The following FAF1 variants were observed in gnomAD, a reference collection of about 807,000 sequenced individuals.
FAF1 encodes Fas associated factor 1.
FAF1 carries 25 observed loss-of-function variants against 92.5 expected under a neutral mutation model. The observed-to-expected ratio is 0.27, with a 90% CI of 0.20 to 0.38. The LOEUF (loss-of-function observed/expected upper bound fraction) is 0.38, where lower values mean the gene tolerates loss of function less well. Ranked by LOEUF, FAF1 falls within the 10% of genes least tolerant of loss-of-function variation. FAF1 has a pLI of 1.00. For synonymous variants in FAF1, 234 were observed against 273.2 expected (o/e 0.86, Z 1.42); for missense variants, 636 against 793.3 (o/e 0.80, Z 2.38).
At chr1:50,667,571 A>G (rs1655691690) in intron 7 of FAF1, among the ~76,000 whole-genome samples, 1 of 152,182 alleles carries the variant, frequency 6.6e-6, no homozygotes, top group African/African-American at 2.4e-5. Context: ...AGTGCCATTA[A>G]TCTACTCTGC....
intron 13 of FAF1, among the ~76,000 whole-genome samples, chr1:50,548,689 C>T (rs144471726): frequency 0.011 from 1,697 of 152,278 alleles, 37 homozygotes; most frequent in African/African-American, 0.039. Flanking sequence ...TAATTTTTAG[C>T]AAACTGTACT....
At chr1:50,510,680 A>G (rs903230939) in intron 15 of FAF1, among the ~76,000 whole-genome samples, 1 of 152,192 alleles carries the variant, frequency 6.6e-6, no homozygotes, top group Non-Finnish European at 1.5e-5. Context: ...TAAACTGTAA[A>G]CACATTTCAA....
rs546643460 is a variant in FAF1 at position 50,592,661 on chromosome 1, T to C, written c.840+3460A>G. 7.2e-5 allele frequency among the ~76,000 whole-genome samples: 11 copies of C among 152,294 alleles called. No individual in the cohort carries two copies. The South Asian group carries it at 8.3e-4, about 11-fold the overall frequency. ...AAGAAAGTCAACAGCAAAATGATTATTGTTGGCTGGGCACGGTGACTCACA... is the reference window on the plus strand; with the variant it reads ...AAGAAAGTCAACAGCAAAATGATTACTGTTGGCTGGGCACGGTGACTCACA... On this transcript the variant is annotated intron_variant, in intron 9 of 18. Coordinates refer to ENST00000396153, the MANE Select transcript of FAF1 (RefSeq NM_007051.3).
intron 2 of FAF1, among the ~76,000 whole-genome samples, chr1:50,831,500 A>G (rs778046057): frequency 3.3e-5 from 5 of 152,162 alleles, no homozygotes; most frequent in Admixed American, 2.0e-4. Context: ...AGCAAAGAAT[A>G]TATCTGCCGT....
At chr1:50,936,345 AAAG>A (rs1252899190) in intron 1 of FAF1, among the ~76,000 whole-genome samples, 2 of 152,236 alleles carry the variant, frequency 1.3e-5, no homozygotes, top group African/African-American at 4.8e-5. Flanking sequence ...TTTTTTTAAA[AAAG>A]AAGAAGAATG....
chr1:50,691,497 C>A (rs1367849095), intron 7 of FAF1, among the ~76,000 whole-genome samples: 1 of 152,232 alleles, frequency 6.6e-6, no homozygotes, highest in Non-Finnish European at 1.5e-5. Context: ...TGGCCTTGGC[C>A]TCCCAAAGTA....
chr1:50,743,189 A>G (rs1296690328), intron 5 of FAF1, among the ~76,000 whole-genome samples: 3 of 152,224 alleles, frequency 2.0e-5, no homozygotes, highest in East Asian at 3.8e-4. Flanking sequence ...CTTCCTGTAA[A>G]TATCTCACTG....
intron 2 of FAF1, among the ~76,000 whole-genome samples, chr1:50,827,922 T>C (rs1444229908): frequency 6.6e-6 from 1 of 152,164 alleles, no homozygotes; most frequent in African/African-American, 2.4e-5. Flanking sequence ...GTAAATATGT[T>C]AATTCTTCCC....
At chr1:50,786,750 G>A (rs74576709) in intron 4 of FAF1, among the ~76,000 whole-genome samples, 1 of 152,186 alleles carries the variant, frequency 6.6e-6, no homozygotes, top group East Asian at 1.9e-4. Flanking sequence ...TTATGGCATA[G>A]GCATAGTGAA....
At chr1:50,569,808 A>G (rs1650346877) in intron 12 of FAF1, among the ~76,000 whole-genome samples, 1 of 152,152 alleles carries the variant, frequency 6.6e-6, no homozygotes, top group Non-Finnish European at 1.5e-5. Context: ...CCAAACACAC[A>G]TGTGCCGAAG....
chr1:50,902,395 T>A (rs1377526455), intron 1 of FAF1, among the ~76,000 whole-genome samples: 1 of 152,248 alleles, frequency 6.6e-6, no homozygotes, highest in Non-Finnish European at 1.5e-5. Flanking sequence ...AATTTTTATG[T>A]TGATTACATG....
At chr1:50,490,193 C>T (rs907071434) in intron 17 of FAF1, among the ~76,000 whole-genome samples, 6 of 152,056 alleles carry the variant, frequency 3.9e-5, no homozygotes, top group African/African-American at 7.2e-5. Flanking sequence ...AACCCTGTCT[C>T]TACTAAAAAT....
rs190573001 is a variant in FAF1 at position 50,589,234 on chromosome 1, A to T, written c.841-4423T>A. ...TGGTCACAGAGCTGTTTTCAGGCAC[A>T]CATGCAGTAGCTGTGTTGTGTCCCT... On this transcript the variant is annotated intron_variant, in intron 9 of 18. Coordinates refer to ENST00000396153, the MANE Select transcript of FAF1 (RefSeq NM_007051.3). 1.1e-4 allele frequency among the ~76,000 whole-genome samples: 16 copies of T among 152,284 alleles called. No homozygotes were observed. The East Asian group carries it at 2.3e-3, about 22-fold the overall frequency.
intron 4 of FAF1, among the ~76,000 whole-genome samples, chr1:50,753,361 A>T (rs941311117): frequency 1.3e-5 from 2 of 152,246 alleles, no homozygotes; most frequent in Non-Finnish European, 2.9e-5. Flanking sequence ...ATTAATAAGT[A>T]TACCACTGTA....
chr1:50,824,478 T>G (rs1202922225), intron 2 of FAF1, among the ~76,000 whole-genome samples: 1 of 151,746 alleles, frequency 6.6e-6, no homozygotes, highest in Non-Finnish European at 1.5e-5. Context: ...GTTGACTGAT[T>G]AATGCGAAAA....
At chr1:50,798,548 G>A (rs1661851638) in intron 3 of FAF1, among the ~76,000 whole-genome samples, 1 of 152,194 alleles carries the variant, frequency 6.6e-6, no homozygotes, top group Admixed American at 6.5e-5. Context: ...CACAGACTCA[G>A]TGTCTGTTTA....
intron 7 of FAF1, among the ~76,000 whole-genome samples, chr1:50,656,743 T>G (rs1039068914): frequency 3.3e-5 from 5 of 151,522 alleles, no homozygotes; most frequent in African/African-American, 1.2e-4. Flanking sequence ...ATTAGCCAGG[T>G]GTGGTGGTGT....
intron 17 of FAF1, among the ~76,000 whole-genome samples, chr1:50,484,580 T>G (rs1044230776): frequency 6.6e-6 from 1 of 152,150 alleles, no homozygotes; most frequent in Non-Finnish European, 1.5e-5. Context: ...ATATTAATTG[T>G]GCGATAGTGG....
intron 2 of FAF1, among the ~76,000 whole-genome samples, chr1:50,848,567 T>C (rs1432758978): frequency 5.3e-5 from 8 of 152,186 alleles, no homozygotes; most frequent in Admixed American, 5.2e-4. Context: ...ATGGTAACTC[T>C]CCATTGGAGA....
Sources: allele counts gnomAD v4.1 joint callset (sites outside exome capture counted in the v4.1 genomes callset), GRCh38; gene constraint gnomAD v4.1.1; transcripts MANE v1.5; gene names NCBI Gene and HGNC (gene_info 2026-07-23, HGNC 2026-07-21).